The following GOLPH3L variants were observed in gnomAD, a reference collection of about 807,000 sequenced individuals.
GOLPH3L encodes the protein golgi phosphoprotein 3 like.
In GOLPH3L, 22 loss-of-function variants were observed where a neutral mutation model predicts 30.3. The observed-to-expected ratio is 0.73, with a 90% CI of 0.52 to 1.04. The LOEUF (loss-of-function observed/expected upper bound fraction) is 1.04, where lower values mean the gene tolerates loss of function less well. Among genes scored for constraint, GOLPH3L ranks in the 50% least tolerant of loss-of-function variants. The pLI is 0.00. For synonymous variants in GOLPH3L, 120 were observed against 128.2 expected (o/e 0.94, Z 0.43); for missense variants, 303 against 345.8 (o/e 0.88, Z 0.98).
intron 2 of GOLPH3L, among the ~76,000 whole-genome samples, chr1:150,675,158 A>T (rs1040576557): frequency 2.0e-5 from 3 of 152,052 alleles, no homozygotes; most frequent in African/African-American, 7.2e-5. Flanking sequence ...AGGATTACAG[A>T]TGTGAGCCAC....
intron 4 of GOLPH3L, among the ~76,000 whole-genome samples, chr1:150,658,990 C>A (rs1203852426): frequency 6.6e-6 from 1 of 152,188 alleles, no homozygotes; most frequent in Non-Finnish European, 1.5e-5. Context: ...CACACCTGAC[C>A]TTAATGCCAG....
At chr1:150,680,559 A>T (rs1650926523) in intron 2 of GOLPH3L, among the ~76,000 whole-genome samples, 1 of 152,174 alleles carries the variant, frequency 6.6e-6, no homozygotes, top group South Asian at 2.1e-4. Context: ...CTCTTGTTCC[A>T]ATAACTAAGG....
rs1651302914 is a variant in GOLPH3L, at chr1:150,694,661, T to C, written c.178A>G (p.Lys60Glu). 1 of 1,593,744 alleles carries C rather than the reference T, an allele frequency of 6.3e-7. No homozygotes were observed. The highest frequency in any genetic ancestry group is 2.2e-5 in the East Asian group (1 of 44,722). The part of the protein sequence containing the change: ...EEVLLLGLKD[K>E]EGYTSFWNDC... ...AGCAAACCTAACTGCATTACCTCTT[T>C]ATCTTTTAGTCCCAGAAGCAATACT... The change falls in exon 2 of 5, where the codon AAA (lysine) becomes GAA (glutamate). Residue 60 changes from lysine to glutamate, a missense_variant. Coordinates refer to ENST00000271732, the MANE Select transcript of GOLPH3L (RefSeq NM_018178.6).
chr1:150,675,603 C>T (rs1332491576), intron 2 of GOLPH3L, among the ~76,000 whole-genome samples: 6 of 151,288 alleles, frequency 4.0e-5, no homozygotes, highest in Admixed American at 2.0e-4. Context: ...GTTGAAACCC[C>T]GTCTCTACTA....
chr1:150,665,713 T>C (rs1329307221), intron 2 of GOLPH3L, among the ~76,000 whole-genome samples: 1 of 152,152 alleles, frequency 6.6e-6, no homozygotes, highest in Admixed American at 6.6e-5. Context: ...TCATTATTAT[T>C]TTATACAGGT....
In GOLPH3L at chr1:150,648,084, T is replaced by C. The variant is rs1650023262; in HGVS notation, c.*237A>G. On this transcript the variant is annotated 3_prime_UTR_variant, in exon 5 of 5. Transcript: ENST00000271732. ...CAAATGGGAGAAAATGTTCATTGGG[T>C]GTGTGTGGCTTCACCCAGTTTATTT... 2.4e-6 allele frequency: 1 copy of C among 420,428 alleles called. No individual in the cohort carries two copies. The highest frequency in any genetic ancestry group is 4.2e-6 in the Non-Finnish European group (1 of 237,830). The allele number at this position is 420,428 out of a possible 1,614,324, so 26.0% of individuals were successfully genotyped here. A position where few individuals can be genotyped will look rare whatever the true frequency, so the allele number is the denominator to read the frequency against.
chr1:150,664,074 CT>C (rs1650437813), intron 2 of GOLPH3L, among the ~76,000 whole-genome samples: 1 of 151,988 alleles, frequency 6.6e-6, no homozygotes, highest in Admixed American at 6.6e-5. Flanking sequence ...TCATGGCTCA[CT>C]GCAGCCTTGA....
intron 1 of GOLPH3L, among the ~76,000 whole-genome samples, chr1:150,696,204 C>G (rs1011563157): frequency 1.3e-5 from 2 of 152,112 alleles, no homozygotes; most frequent in Non-Finnish European, 2.9e-5. Flanking sequence ...TCAAAAATGT[C>G]TCATGCTTTC....
intron 2 of GOLPH3L, among the ~76,000 whole-genome samples, chr1:150,679,078 A>G (rs1650886423): frequency 6.6e-6 from 1 of 152,192 alleles, no homozygotes; most frequent in South Asian, 2.1e-4. Flanking sequence ...AACAAACAGG[A>G]AAAACAAGTT....
In GOLPH3L at chr1:150,663,696, G is replaced by C; in HGVS notation, c.251C>G (p.Ala84Gly). The C allele has an allele frequency of 6.2e-7, 1 of 1,613,392 alleles. No individual in the cohort carries two copies. The highest frequency in any genetic ancestry group is 8.5e-7 in the Non-Finnish European group (1 of 1,179,462). ...TTCCAGATAGATTCGACCCCGCATG[G>C]CCAGCTCTATCAGGATGCCCCCTCG... Reference protein sequence around the residue: ...GLRGGILIELAMRGRIYLEPP... With the variant: ...GLRGGILIELGMRGRIYLEPP... Residue 84 changes from alanine to glycine, a missense_variant, in exon 3 of 5, where the codon GCC becomes GGC. Ala to Gly is a moderately conservative substitution (Grantham distance 60). Coordinates refer to ENST00000271732, the MANE Select transcript of GOLPH3L (RefSeq NM_018178.6).
chr1:150,676,145 T>C (rs1203468328), intron 2 of GOLPH3L, among the ~76,000 whole-genome samples: 1 of 152,090 alleles, frequency 6.6e-6, no homozygotes, highest in Admixed American at 6.6e-5. Flanking sequence ...GGCTAATTTT[T>C]GTATTTTTTG....
intron 4 of GOLPH3L, among the ~76,000 whole-genome samples, chr1:150,660,373 T>C (rs936293890): frequency 2.0e-5 from 3 of 152,158 alleles, no homozygotes; most frequent in Non-Finnish European, 2.9e-5. Flanking sequence ...AAATGTTTGG[T>C]GATTTCTCAA....
chr1:150,683,530 T>TAA (rs1557788420), intron 2 of GOLPH3L, among the ~76,000 whole-genome samples: 1,302 of 27,580 alleles, frequency 0.047, 30 homozygotes, highest in African/African-American at 0.098. Context: ...AGACTCTGTC[T>TAA]CAAAAAAAAA....
At chr1:150,691,744 G>A (rs1169487361) in intron 2 of GOLPH3L, among the ~76,000 whole-genome samples, 1 of 151,938 alleles carries the variant, frequency 6.6e-6, no homozygotes, top group Non-Finnish European at 1.5e-5. Context: ...AAATACAATA[G>A]TTTTTTGAGT....
intron 2 of GOLPH3L, among the ~76,000 whole-genome samples, chr1:150,668,169 T>C (rs1650552990): frequency 1.3e-5 from 2 of 152,216 alleles, no homozygotes; most frequent in Admixed American, 1.3e-4. Flanking sequence ...TACAAATTCC[T>C]TAAGGAGAGA....
chr1:150,657,150 C>A (rs1025919035), intron 4 of GOLPH3L, among the ~76,000 whole-genome samples: 2 of 152,198 alleles, frequency 1.3e-5, no homozygotes, highest in Non-Finnish European at 2.9e-5. Context: ...TACAGATGAA[C>A]AACTGATGAC....
chr1:150,653,200 C>T (rs932042012), intron 4 of GOLPH3L, among the ~76,000 whole-genome samples: 1 of 138,766 alleles, frequency 7.2e-6, no homozygotes, highest in Non-Finnish European at 1.6e-5. Flanking sequence ...AGAAAAGAAA[C>T]ATATAGCAAT....
intron 2 of GOLPH3L, among the ~76,000 whole-genome samples, chr1:150,666,888 T>C (rs1571041914): frequency 6.7e-6 from 1 of 150,354 alleles, no homozygotes; most frequent in East Asian, 1.9e-4. Context: ...GAGGACTTTA[T>C]TTGTCACTTC....
rs1278909376 is a variant in GOLPH3L, at chr1:150,694,737, G to T, written c.102C>A (p.Asp34Glu). The T allele has an allele frequency of 6.2e-7, 1 of 1,605,984 alleles. No homozygotes were observed. The highest frequency in any genetic ancestry group is 8.5e-7 in the Non-Finnish European group (1 of 1,172,730). The change falls in exon 2 of 5, where the codon GAC becomes GAA. Residue 34 changes from aspartate to glutamate, a missense_variant. Asp to Glu is a conservative substitution (Grantham distance 45). Coordinates refer to ENST00000271732, the MANE Select transcript of GOLPH3L (RefSeq NM_018178.6). ...CCTTAGAGTCTCCAGAATCTTCATT[G>T]TCTGGACTTTTCTCCCAATTACTGT... ...EEDSNWEKSP[D>E]NEDSGDSKDI...
Sources: gnomAD v4.1 joint callset for allele counts (sites outside exome capture counted in the v4.1 genomes callset) on GRCh38, gnomAD v4.1.1 for gene constraint, MANE v1.5 for transcripts, NCBI Gene and HGNC (gene_info 2026-07-23, HGNC 2026-07-21) for gene names.